The following CYREN variants were observed in gnomAD, a reference collection of about 807,000 sequenced individuals.
The protein encoded by CYREN is cell cycle regulator of non-homologous end joining.
In CYREN, 7 loss-of-function variants were observed where a neutral mutation model predicts 9.7. The ratio of observed to expected loss-of-function variants is 0.72; its 90% confidence interval spans 0.41 to 1.36. The LOEUF (loss-of-function observed/expected upper bound fraction) is 1.36, where lower values mean the gene tolerates loss of function less well. Ranked by LOEUF, CYREN falls within the 40% of genes most tolerant of loss-of-function variation. The pLI is 0.01. For synonymous variants in CYREN, 76 were observed against 77.9 expected (o/e 0.98, Z 0.13); for missense variants, 215 against 198.1 (o/e 1.09, Z -0.51).
chr7:135,156,348 T>G (rs1829791692), intron 2 of CYREN, among the ~76,000 whole-genome samples: 1 of 152,166 alleles, frequency 6.6e-6, no homozygotes, highest in Non-Finnish European at 1.5e-5. Flanking sequence ...AATTCATAAG[T>G]TCAGTTGCTT....
chr7:135,137,983 TCTA>T (rs897086666), intron 2 of CYREN, among the ~76,000 whole-genome samples: 1 of 151,726 alleles, frequency 6.6e-6, no homozygotes, highest in African/African-American at 2.4e-5. Context: ...GGTCCTGTCT[TCTA>T]ATACGATCAC....
chr7:135,126,703 G>T (rs1461002813), intron 2 of CYREN, among the ~76,000 whole-genome samples: 1 of 152,100 alleles, frequency 6.6e-6, no homozygotes, highest in Non-Finnish European at 1.5e-5. Context: ...GGAGACCTCA[G>T]AAATAATACC....
At chr7:135,125,742 A>G (rs1179840968) in intron 2 of CYREN, among the ~76,000 whole-genome samples, 1 of 152,240 alleles carries the variant, frequency 6.6e-6, no homozygotes, top group African/African-American at 2.4e-5. Flanking sequence ...GGTTCAACAT[A>G]TGCAAATCAA....
chr7:135,113,662 T>C (rs184943030), intron 2 of CYREN, among the ~76,000 whole-genome samples: 2 of 152,364 alleles, frequency 1.3e-5, no homozygotes, highest in East Asian at 3.8e-4. Context: ...AGACTCTAAA[T>C]TGTGATAAAA....
chr7:135,131,247 A>G (rs1828718897), intron 2 of CYREN, among the ~76,000 whole-genome samples: 3 of 152,220 alleles, frequency 2.0e-5, no homozygotes, highest in South Asian at 2.1e-4. Context: ...TTCACTCATA[A>G]GTGGGAGTTG....
At chr7:135,153,323 A>T (rs1046628500) in intron 2 of CYREN, among the ~76,000 whole-genome samples, 1 of 151,938 alleles carries the variant, frequency 6.6e-6, no homozygotes, top group Non-Finnish European at 1.5e-5. Flanking sequence ...GCATGGTGTC[A>T]CGCACCTGTA....
At chr7:135,098,439 A>T (rs532786134) in intron 2 of CYREN, among the ~76,000 whole-genome samples, 1 of 152,346 alleles carries the variant, frequency 6.6e-6, no homozygotes, top group African/African-American at 2.4e-5. Flanking sequence ...CAAGGAAAAA[A>T]GTCTGCACGT....
intron 1 of CYREN, among the ~76,000 whole-genome samples, chr7:135,170,050 T>G (rs987361755): frequency 6.6e-6 from 1 of 152,226 alleles, no homozygotes; most frequent in Non-Finnish European, 1.5e-5. Context: ...GCGGACAAAT[T>G]TAGTTCACCC....
chr7:135,171,179 T>A (rs1181836105), upstream of CYREN, among the ~76,000 whole-genome samples: 1 of 152,186 alleles, frequency 6.6e-6, no homozygotes, highest in African/African-American at 2.4e-5. Flanking sequence ...AAAATTATAG[T>A]AAGAGAAATA....
chr7:135,122,739 T>C (rs1194222413), intron 2 of CYREN, among the ~76,000 whole-genome samples: 1 of 151,638 alleles, frequency 6.6e-6, no homozygotes, highest in African/African-American at 2.4e-5. Flanking sequence ...GGCCCAGGAG[T>C]GAACCAGATG....
intron 2 of CYREN, among the ~76,000 whole-genome samples, chr7:135,097,645 CT>C (rs1272035386): frequency 6.6e-6 from 1 of 152,070 alleles, no homozygotes; most frequent in Non-Finnish European, 1.5e-5. Context: ...GACATTGAGG[CT>C]TTTATAATAA....
chr7:135,106,350 T>C (rs1213125490), intron 2 of CYREN, among the ~76,000 whole-genome samples: 2 of 152,228 alleles, frequency 1.3e-5, no homozygotes, highest in African/African-American at 4.8e-5. Context: ...AGTACGATGT[T>C]GGCTGTGGGC....
rs550105825 is a variant in CYREN, at chr7:135,148,064, C to G, written n.356+20685G>C. On this transcript the variant is annotated intron_variant and non_coding_transcript_variant, in intron 2 of 2. Transcript: ENST00000459937. ...GTGACATCAGTCAGAACAAATGTAC[C>G]AAAGTTCAGAGAGCTGTTTACTAGG... 18 of 456,174 alleles carry G rather than the reference C, an allele frequency of 3.9e-5. 1 individual carries two copies. Among genetic ancestry groups the G allele is most frequent in the Non-Finnish European group, 5.7e-5 (13 of 226,952 alleles). The allele number at this position is 456,174 out of a possible 1,614,324, so 28.3% of individuals were successfully genotyped here.
At chr7:135,094,426 A>C (rs1822335884) in exon 3 of CYREN, 1 of 456,598 alleles carries the variant, frequency 2.2e-6, no homozygotes, top group Non-Finnish European at 4.4e-6. Flanking sequence ...ACACTTAAAC[A>C]GTGATTTTAA....
intron 2 of CYREN, among the ~76,000 whole-genome samples, chr7:135,139,462 G>T (rs892925722): frequency 2.0e-5 from 3 of 150,222 alleles, no homozygotes; most frequent in Non-Finnish European, 4.5e-5. Flanking sequence ...GTTTTTTATA[G>T]ATTCTTAATA....
downstream of CYREN, chr7:135,164,688 G>T: frequency 6.2e-7 from 1 of 1,614,048 alleles, no homozygotes; most frequent in Non-Finnish European, 8.5e-7. Context: ...CCTGGGCCTG[G>T]CCAGGCTTGG....
In CYREN at chr7:135,166,403, C is replaced by T; in HGVS notation, c.*208G>A. 1.6e-6 allele frequency: 1 copy of T among 642,688 alleles called. No homozygotes were observed. Among genetic ancestry groups the T allele is most frequent in the Non-Finnish European group, 2.5e-6 (1 of 399,022 alleles). The allele number at this position is 642,688 out of a possible 1,614,324, so 39.8% of individuals were successfully genotyped here. On this transcript the variant is annotated 3_prime_UTR_variant, in exon 4 of 4. Coordinates refer to ENST00000393114, the MANE Select transcript of CYREN (RefSeq NM_024033.4). ...AGTCAAATGGGATCTCATTTTGAGTCCTGCCTTCCGCACACTCAGAACGGC... is the reference window on the plus strand; with the variant it reads ...AGTCAAATGGGATCTCATTTTGAGTTCTGCCTTCCGCACACTCAGAACGGC...
chr7:135,157,552 A>T (rs578021533), intron 2 of CYREN, among the ~76,000 whole-genome samples: 1 of 152,322 alleles, frequency 6.6e-6, no homozygotes, highest in South Asian at 2.1e-4. Flanking sequence ...GGGCCTCCAC[A>T]TGGCTTGCTT....
chr7:135,135,120 A>T, intron 2 of CYREN: 1 of 1,551,164 alleles, frequency 6.4e-7, no homozygotes, highest in Non-Finnish European at 8.7e-7. Context: ...ATGTTCTAAA[A>T]TATAAGAGTC....
Sources: gnomAD v4.1 joint callset for allele counts (sites outside exome capture counted in the v4.1 genomes callset) on GRCh38, gnomAD v4.1.1 for gene constraint, MANE v1.5 for transcripts, NCBI Gene and HGNC (gene_info 2026-07-23, HGNC 2026-07-21) for gene names.